CCT7: variants seen among roughly 807,000 people sequenced by gnomAD.
CCT7 encodes the protein chaperonin containing TCP1 subunit 7, also known as T-complex protein 1 subunit eta.
A neutral mutation model predicts 56.6 loss-of-function variants in CCT7; 16 were observed. The observed-to-expected ratio is 0.28, with a 90% CI of 0.19 to 0.43. CCT7 has a LOEUF of 0.43. CCT7 is among the 20% of genes least tolerant of loss of function. CCT7 has a pLI of 1.00. For synonymous variants in CCT7, 262 were observed against 254.8 expected, an observed-to-expected ratio of 1.03 and a Z score of -0.27; for missense variants, 519 against 685.6, an observed-to-expected ratio of 0.76 and a Z score of 2.71.
At chr2:73,235,455 A>G in intron 1 of CCT7, 5 of 582,580 alleles carry the variant, frequency 8.6e-6, no homozygotes, top group Non-Finnish European at 1.1e-5. Flanking sequence ...GACACCTTTT[A>G]GGTGTTCTAC....
At chr2:73,234,501 C>A (rs1319389681) in intron 1 of CCT7, 117 bp downstream of exon 1, 4 of 1,245,366 alleles carry the variant, frequency 3.2e-6, no homozygotes, top group Non-Finnish European at 4.6e-6. Flanking sequence ...TGTCCTCGCC[C>A]AGATCCCCAG....
intron 11 of CCT7, among the ~76,000 whole-genome samples, chr2:73,251,657 G>A (rs1195638388): frequency 6.6e-6 from 1 of 152,204 alleles, no homozygotes; most frequent in Admixed American, 6.5e-5. Context: ...GAGTATGATC[G>A]TGGCCAGGTG....
rs1451247347 is a variant in CCT7 at position 73,234,367 on chromosome 2, T to G, written c.-12T>G. 1 of 1,613,374 alleles carries G rather than the reference T, an allele frequency of 6.2e-7. No individual in the cohort carries two copies. The highest frequency in any genetic ancestry group is 8.5e-7 in the Non-Finnish European group (1 of 1,179,970). Reference sequence around the variant, plus strand: ...GAGGGGAGAGTGGCGGGCCGCTGAATAAGCTTCCAAAATGATGGTGAGTGG... The same window carrying G: ...GAGGGGAGAGTGGCGGGCCGCTGAAGAAGCTTCCAAAATGATGGTGAGTGG... On this transcript the variant is annotated 5_prime_UTR_variant, in exon 1 of 12. Coordinates refer to ENST00000258091, the MANE Select transcript of CCT7 (RefSeq NM_006429.4).
intron 1 of CCT7, among the ~76,000 whole-genome samples, chr2:73,236,619 G>A (rs1341787751): frequency 2.0e-5 from 3 of 152,164 alleles, no homozygotes; most frequent in African/African-American, 7.2e-5. Flanking sequence ...GATTACAGGC[G>A]TGAGCCACCG....
chr2:73,245,825 A>G (rs1425298363), intron 6 of CCT7, among the ~76,000 whole-genome samples: 1 of 152,130 alleles, frequency 6.6e-6, no homozygotes, highest in Non-Finnish European at 1.5e-5. Context: ...TCTGTATGTA[A>G]TAAAGCTGTG....
chr2:73,234,506 C>T (rs1686772092), intron 1 of CCT7, 122 bp downstream of exon 1: 2 of 1,230,418 alleles, frequency 1.6e-6, no homozygotes, highest in Admixed American at 2.0e-5. Flanking sequence ...TCGCCCAGAT[C>T]CCCAGCTTAG....
chr2:73,245,834 T>C (rs996295380), intron 6 of CCT7, among the ~76,000 whole-genome samples: 4 of 152,212 alleles, frequency 2.6e-5, no homozygotes, highest in African/African-American at 9.6e-5. Flanking sequence ...AATAAAGCTG[T>C]GAGGAACCTG....
At chr2:73,251,481 G>A (rs1350792242) in intron 11 of CCT7, 49 bp downstream of exon 11, 2 of 1,426,130 alleles carry the variant, frequency 1.4e-6, no homozygotes, top group Non-Finnish European at 2.0e-6. Flanking sequence ...GGTGGGGCTA[G>A]ATTCTGAATG....
chr2:73,249,129 A>G lies in CCT7; in HGVS notation c.922A>G (p.Met308Val), dbSNP rs2103802559. ...VATQYFADRD[M>V]FCAGRVPEED... ...CACCCAGTACTTTGCTGACAGGGAC[A>G]TGTTCTGTGCTGGCCGAGTACCTGA... is the stretch of plus-strand genomic sequence containing the variant. The change falls in exon 8 of 12, where the codon ATG becomes GTG. Residue 308 changes from methionine (M) to valine (V), a missense_variant. Around this residue, in one of 3 missense-constraint regions of CCT7, gnomAD observed 6 missense variants for 27.6 expected, o/e 0.22. Transcript: ENST00000258091. 1 of 1,614,146 alleles carries G rather than the reference A, an allele frequency of 6.2e-7. No homozygotes were observed. Among genetic ancestry groups the G allele is most frequent in the East Asian group, 2.2e-5 (1 of 44,874 alleles).
intron 9 of CCT7, 140 bp from the exon 10 acceptor site, chr2:73,250,166 T>A (rs1361504434): frequency 1.9e-6 from 2 of 1,038,642 alleles, no homozygotes; most frequent in Non-Finnish European, 2.9e-6. Context: ...CAAGAAAATG[T>A]CTATAAGGTT....
intron 1 of CCT7, chr2:73,239,128 T>C (rs1310401865): frequency 6.5e-6 from 1 of 152,816 alleles, no homozygotes; most frequent in Non-Finnish European, 1.5e-5. Context: ...TGAACATCAC[T>C]GTTACATAAA....
intron 4 of CCT7, 80 bp from the exon 5 acceptor site, chr2:73,243,917 C>T (rs1687219093): frequency 2.3e-6 from 3 of 1,300,302 alleles, no homozygotes; most frequent in South Asian, 2.4e-5. Context: ...TGAACAGACT[C>T]AGGACTATTG....
rs1687032927 is a variant in CCT7, at chr2:73,239,859, G to T, written c.160+63G>T. ...AGGAGGCTCCTGAGGGGGTGTTTGG[G>T]ACTAGCATAGGTTGGTATCAGAAAT... On this transcript the variant is annotated intron_variant, in intron 2 of 11. Coordinates refer to ENST00000258091, the MANE Select transcript of CCT7 (RefSeq NM_006429.4). 4.9e-6 allele frequency: 7 copies of T among 1,432,184 alleles called. No individual in the cohort carries two copies. In the East Asian group the frequency reaches 1.1e-4, roughly 23 times the overall value. The allele number at this position is 1,432,184 out of a possible 1,614,324, so 88.7% of individuals were successfully genotyped here.
Position 73,252,805 on chromosome 2 carries a change from A to T in CCT7, c.1576A>T (p.Thr526Ser). 1.9e-6 allele frequency: 3 copies of T among 1,614,102 alleles called. No individual in the cohort carries two copies. Among genetic ancestry groups the T allele is most frequent in the South Asian group, 2.2e-5 (2 of 91,082 alleles). The change falls in exon 12 of 12, where the codon ACT becomes TCT. Residue 526 changes from threonine to serine, a missense_variant. By Grantham distance (58) the Thr-to-Ser change is moderately conservative (BLOSUM62 1). Around this residue, in one of 3 missense-constraint regions of CCT7, gnomAD observed 237 missense variants for 300.8 expected, o/e 0.79. Coordinates refer to ENST00000258091, the MANE Select transcript of CCT7 (RefSeq NM_006429.4). ...VDETIKNPRS[T>S]VDAPTAAGRG... is the part of the protein sequence containing the mutation. Reference sequence around the variant, plus strand: ...TGAAACCATCAAGAACCCCCGCTCGACTGTGGATGCTCCCACAGCAGCAGG... The same window carrying T: ...TGAAACCATCAAGAACCCCCGCTCGTCTGTGGATGCTCCCACAGCAGCAGG...
In CCT7 at chr2:73,245,324, T is replaced by A. The variant is rs72809951; in HGVS notation, c.618+609T>A. 7.3e-3 allele frequency among the ~76,000 whole-genome samples: 1,115 copies of A among 152,358 alleles called. 4 individuals carry two copies. The highest frequency in any genetic ancestry group is 9.7e-3 in the Non-Finnish European group (662 of 68,034). Reference sequence around the variant, plus strand: ...TGCTTTTGTCCATTTAACAACATATTTTAGAAATTGATCCACATTAGCGTG... The same window carrying A: ...TGCTTTTGTCCATTTAACAACATATATTAGAAATTGATCCACATTAGCGTG... On this transcript the variant is annotated intron_variant, in intron 6 of 11. Coordinates refer to ENST00000258091, the MANE Select transcript of CCT7 (RefSeq NM_006429.4).
intron 4 of CCT7, among the ~76,000 whole-genome samples, chr2:73,243,363 T>C (rs771965051): frequency 6.6e-6 from 1 of 152,210 alleles, no homozygotes; most frequent in Admixed American, 6.5e-5. Context: ...GATGTAGACA[T>C]AGTCTTTTAG....
At chr2:73,234,666 G>A (rs1442754218) in intron 1 of CCT7, among the ~76,000 whole-genome samples, 1 of 152,210 alleles carries the variant, frequency 6.6e-6, no homozygotes, top group African/African-American at 2.4e-5. Context: ...ACCCACGTCG[G>A]GGACCTCTTT....
intron 8 of CCT7, among the ~76,000 whole-genome samples, chr2:73,249,443 C>T (rs143168753): frequency 1.3e-3 from 204 of 152,290 alleles, no homozygotes; most frequent in African/African-American, 4.6e-3. Flanking sequence ...TGGACAAACT[C>T]AAATATTGAT....
intron 8 of CCT7, 46 bp from the exon 9 acceptor site, chr2:73,249,773 G>T: frequency 2.2e-6 from 3 of 1,358,758 alleles, no homozygotes; most frequent in Middle Eastern, 1.8e-4. Flanking sequence ...AAGCTGCCTG[G>T]CCTCGGGAAC....
Sources: allele counts gnomAD v4.1 joint callset (sites outside exome capture counted in the v4.1 genomes callset), GRCh38; gene constraint gnomAD v4.1.1; regional missense constraint gnomAD v4.1.1; transcripts MANE v1.5; gene names NCBI Gene and HGNC (gene_info 2026-07-23, HGNC 2026-07-21).